The following CYP2C19 variants were observed in gnomAD, a reference collection of about 807,000 sequenced individuals.
CYP2C19 encodes cytochrome P450 family 2 subfamily C member 19.
A neutral mutation model predicts 40.9 loss-of-function variants in CYP2C19; 59 were observed. That is an observed-to-expected ratio of 1.44 (90% CI 1.17 to 1.79). The LOEUF is 1.79. Among genes scored for constraint, CYP2C19 ranks in the 40% most tolerant of loss-of-function variants. The pLI, the probability that CYP2C19 is intolerant of heterozygous loss-of-function variation, is 0.00. For synonymous variants in CYP2C19, 253 were observed against 208.7 expected (o/e 1.21, Z -1.83); for missense variants, 754 against 596.9 (o/e 1.26, Z -2.74).
intron 5 of CYP2C19, among the ~76,000 whole-genome samples, chr10:94,810,155 T>C (rs972951058): frequency 6.6e-6 from 1 of 152,136 alleles, no homozygotes; most frequent in East Asian, 1.9e-4. Context: ...GCTGGAATTA[T>C]AGGCGTGAGC....
intron 7 of CYP2C19, 145 bp downstream of exon 7, chr10:94,843,169 G>C (rs566228481): frequency 2.0e-6 from 2 of 984,584 alleles, no homozygotes; most frequent in Non-Finnish European, 3.1e-6. Context: ...GTTGATTCCA[G>C]TTTGGGACTA....
chr10:94,822,564 A>C (rs969934852), intron 6 of CYP2C19, among the ~76,000 whole-genome samples: 3 of 152,148 alleles, frequency 2.0e-5, no homozygotes, highest in African/African-American at 7.2e-5. Context: ...TGATAGAATG[A>C]ATTTTTTTGG....
At chr10:94,849,641 CCCA>C (rs973716732) in intron 7 of CYP2C19, among the ~76,000 whole-genome samples, 15 of 121,422 alleles carry the variant, frequency 1.2e-4, no homozygotes, top group African/African-American at 4.6e-4. Context: ...CTCCCCCCAC[CCCA>C]CAACAGTCCC....
intron 5 of CYP2C19, among the ~76,000 whole-genome samples, chr10:94,805,256 TG>T (rs1385374498): frequency 6.6e-6 from 1 of 152,156 alleles, no homozygotes; most frequent in Admixed American, 6.5e-5. Flanking sequence ...TGAGTATTTT[TG>T]TTATGATAGG....
intron 6 of CYP2C19, among the ~76,000 whole-genome samples, chr10:94,824,191 G>C (rs1188244941): frequency 2.0e-5 from 3 of 152,108 alleles, no homozygotes; most frequent in Non-Finnish European, 4.4e-5. Context: ...AATGATATAA[G>C]CAATGAATAC....
chr10:94,837,497 G>C (rs1849422976), intron 6 of CYP2C19, among the ~76,000 whole-genome samples: 1 of 152,110 alleles, frequency 6.6e-6, no homozygotes, highest in African/African-American at 2.4e-5. Context: ...ATGGCCCCTG[G>C]TTTTGCTAGA....
intron 5 of CYP2C19, among the ~76,000 whole-genome samples, chr10:94,786,821 T>C (rs1387504164): frequency 6.6e-6 from 1 of 152,150 alleles, no homozygotes; most frequent in Non-Finnish European, 1.5e-5. Context: ...TCCAGCTGCA[T>C]CTATGTTGCT....
At position 94,854,062 on chromosome 10, in the gene CYP2C19, AG is replaced by A. The variant is rs1849696707; in HGVS notation, c.*1150del. On this transcript the variant is annotated 3_prime_UTR_variant, in exon 9 of 9. Transcript: ENST00000371321. ...AAATGGAGTCCCACTTTTGTTCCCC[AG>A]GCTGGAGTGCAATGGTGCGATCTCG... 6.6e-6 allele frequency among the ~76,000 whole-genome samples: 1 copy of A among 150,552 alleles called. No homozygotes were observed. The highest frequency in any genetic ancestry group is 6.6e-5 in the Admixed American group (1 of 15,058).
intron 5 of CYP2C19, among the ~76,000 whole-genome samples, chr10:94,810,493 C>G (rs1264573517): frequency 6.6e-6 from 1 of 151,908 alleles, no homozygotes; most frequent in African/African-American, 2.4e-5. Flanking sequence ...TGGTAGAATT[C>G]GGCTGTGAAT....
chr10:94,853,051 A>T lies in CYP2C19; in HGVS notation c.*137A>T. The T allele has an allele frequency of 1.1e-6, 1 of 920,446 alleles. No individual in the cohort carries two copies. Among genetic ancestry groups the T allele is most frequent in the Middle Eastern group, 3.2e-4 (1 of 3,130 alleles). The allele number at this position is 920,446 out of a possible 1,614,324, so 57.0% of individuals were successfully genotyped here. A position where few individuals can be genotyped will look rare whatever the true frequency, so the allele number is the denominator to read the frequency against. On this transcript the variant is annotated 3_prime_UTR_variant, in exon 9 of 9. Transcript: ENST00000371321. Reference sequence around the variant, plus strand: ...TTCCCCCAAGATCTAGTGAACATTCAGCCTCCATTAAAAAAGTTTCACTGT... The same window carrying T: ...TTCCCCCAAGATCTAGTGAACATTCTGCCTCCATTAAAAAAGTTTCACTGT...
chr10:94,811,739 C>T (rs1321629605), intron 5 of CYP2C19, among the ~76,000 whole-genome samples: 2 of 151,926 alleles, frequency 1.3e-5, no homozygotes, highest in Non-Finnish European at 2.9e-5. Context: ...GGTAAATATT[C>T]CTCCATCCCT....
chr10:94,824,408 CAGA>C (rs1261599612), intron 6 of CYP2C19, among the ~76,000 whole-genome samples: 1 of 152,010 alleles, frequency 6.6e-6, no homozygotes, highest in Non-Finnish European at 1.5e-5. Flanking sequence ...AATGTATTTT[CAGA>C]AGAAGCTGCT....
intron 5 of CYP2C19, among the ~76,000 whole-genome samples, chr10:94,798,728 C>A (rs1848722779): frequency 6.6e-6 from 1 of 151,364 alleles, no homozygotes; most frequent in African/African-American, 2.4e-5. Flanking sequence ...GAATTGATCC[C>A]TTTACCATTA....
intron 6 of CYP2C19, among the ~76,000 whole-genome samples, chr10:94,836,931 G>A (rs1293038950): frequency 1.3e-5 from 2 of 150,852 alleles, no homozygotes; most frequent in Non-Finnish European, 1.5e-5. Context: ...TGGCCAAATA[G>A]ATGGGGGCTA....
intron 6 of CYP2C19, among the ~76,000 whole-genome samples, chr10:94,842,323 T>TA (rs1564683167): frequency 6.6e-6 from 1 of 152,114 alleles, no homozygotes; most frequent in Non-Finnish European, 1.5e-5. Context: ...CTCTTTTTTT[T>TA]ATTTCCTTTG....
chr10:94,843,033 G>A lies in CYP2C19; in HGVS notation c.1149+9G>A, dbSNP rs1198432184. The A allele has an allele frequency of 3.7e-6, 6 of 1,613,934 alleles. No homozygotes were observed. The highest frequency in any genetic ancestry group is 5.1e-6 in the Non-Finnish European group (6 of 1,179,814). On this transcript the variant is annotated intron_variant, in intron 7 of 8. Transcript: ENST00000371321. ...ACTACCTCATTCCCAAGGTAAGTTTGTTTCTCCTACACTGCAACTCCATGT... is the reference window on the plus strand; with the variant it reads ...ACTACCTCATTCCCAAGGTAAGTTTATTTCTCCTACACTGCAACTCCATGT...
At chr10:94,807,813 C>T (rs923252217) in intron 5 of CYP2C19, among the ~76,000 whole-genome samples, 1 of 151,952 alleles carries the variant, frequency 6.6e-6, no homozygotes, top group Non-Finnish European at 1.5e-5. Flanking sequence ...GAAAATATTG[C>T]AAATATTTTC....
chr10:94,790,337 T>A (rs1848590140), intron 5 of CYP2C19, among the ~76,000 whole-genome samples: 1 of 152,152 alleles, frequency 6.6e-6, no homozygotes, highest in African/African-American at 2.4e-5. Context: ...TACCCTTTAT[T>A]TCTTTCTCTT....
At chr10:94,797,828 G>T (rs187380978) in intron 5 of CYP2C19, among the ~76,000 whole-genome samples, 3 of 152,088 alleles carry the variant, frequency 2.0e-5, no homozygotes, top group Non-Finnish European at 4.4e-5. Context: ...TCTGTGATTG[G>T]TGGTGATATC....
Sources: allele counts gnomAD v4.1 joint callset (sites outside exome capture counted in the v4.1 genomes callset), GRCh38; gene constraint gnomAD v4.1.1; transcripts MANE v1.5; gene names NCBI Gene and HGNC (gene_info 2026-07-23, HGNC 2026-07-21).